Variants in GLI3 observed in about 807,000 individuals in gnomAD.
GLI3 encodes the protein GLI family zinc finger 3.
Under a neutral mutation model 100.8 loss-of-function variants are expected in GLI3, and 20 were observed. That is an observed-to-expected ratio of 0.20 (90% confidence interval 0.14 to 0.29). The LOEUF (loss-of-function observed/expected upper bound fraction) is 0.29, where lower values mean the gene tolerates loss of function less well. Among genes scored for constraint, GLI3 ranks in the 10% least tolerant of loss-of-function variants. The pLI, the probability that GLI3 is intolerant of heterozygous loss-of-function variation, is 1.00. For missense variants in GLI3, 2,040 were observed against 2,128.5 expected (o/e 0.96, Z 0.82); for synonymous variants, 938 against 860.5 (o/e 1.09, Z -1.58).
intron 1 of GLI3, among the ~76,000 whole-genome samples, chr7:42,244,813 G>T (rs962850653): frequency 6.6e-6 from 1 of 152,194 alleles, no homozygotes; most frequent in Non-Finnish European, 1.5e-5. Context: ...ATTCATTCAA[G>T]CTTGCCCAAA....
intron 2 of GLI3, among the ~76,000 whole-genome samples, chr7:42,170,149 G>A (rs1042763202): frequency 6.6e-6 from 1 of 150,750 alleles, no homozygotes; most frequent in South Asian, 2.1e-4. Context: ...CTACTCAGGA[G>A]GCTGAGGCAC....
chr7:42,165,754 T>C (rs1787228138), intron 2 of GLI3, among the ~76,000 whole-genome samples: 1 of 152,186 alleles, frequency 6.6e-6, no homozygotes, highest in Admixed American at 6.5e-5. Flanking sequence ...CGTGGGCAAG[T>C]CAATTTTGTA....
chr7:41,974,731 A>G (rs1405979871), intron 12 of GLI3, among the ~76,000 whole-genome samples: 5 of 152,254 alleles, frequency 3.3e-5, no homozygotes, highest in African/African-American at 1.2e-4. Context: ...TAAGTGCTAA[A>G]TTAGATCATG....
intron 10 of GLI3, among the ~76,000 whole-genome samples, chr7:41,984,076 T>G (rs936339589): frequency 6.6e-6 from 1 of 152,122 alleles, no homozygotes; most frequent in Non-Finnish European, 1.5e-5. Context: ...CAGAAGGTGC[T>G]TCTTTCTTTT....
intron 7 of GLI3, among the ~76,000 whole-genome samples, chr7:42,029,098 G>A (rs1276013006): frequency 6.6e-6 from 1 of 152,212 alleles, no homozygotes; most frequent in Non-Finnish European, 1.5e-5. Context: ...TTATTCATAA[G>A]AAGCCAGCAA....
intron 1 of GLI3, among the ~76,000 whole-genome samples, chr7:42,261,200 A>AACACACACACACAAAC (rs1789135645): frequency 6.1e-5 from 9 of 147,334 alleles, no homozygotes; most frequent in Admixed American, 3.4e-4. Context: ...CACACACACA[A>AACACACACACACAAAC]ACACACACAC....
At chr7:41,979,209 A>T (rs1005293029) in intron 10 of GLI3, among the ~76,000 whole-genome samples, 13 of 152,226 alleles carry the variant, frequency 8.5e-5, no homozygotes, top group African/African-American at 3.1e-4. Flanking sequence ...CTTAGGCTTC[A>T]AAAAGGGAAG....
chr7:42,083,819 C>T (rs918193443), intron 3 of GLI3, among the ~76,000 whole-genome samples: 1 of 152,118 alleles, frequency 6.6e-6, no homozygotes, highest in African/African-American at 2.4e-5. Flanking sequence ...AATCAATAGA[C>T]ATCTCATCTA....
At chr7:42,071,504 CA>C (rs1784784048) in intron 4 of GLI3, among the ~76,000 whole-genome samples, 1 of 152,070 alleles carries the variant, frequency 6.6e-6, no homozygotes, top group Non-Finnish European at 1.5e-5. Flanking sequence ...TGAACAGGCC[CA>C]ATATAGTGTT....
chr7:41,981,834 C>T (rs1053908901), intron 10 of GLI3, among the ~76,000 whole-genome samples: 2 of 152,116 alleles, frequency 1.3e-5, no homozygotes, highest in African/African-American at 4.8e-5. Context: ...TGGCAACCAG[C>T]GGAGGAGGGC....
At chr7:42,101,682 T>G (rs1357391232) in intron 3 of GLI3, among the ~76,000 whole-genome samples, 1 of 151,042 alleles carries the variant, frequency 6.6e-6, no homozygotes, top group Non-Finnish European at 1.5e-5. Context: ...ATTTATTTAT[T>G]TATTTATTTT....
At chr7:42,122,225 T>TTA (rs59833287) in intron 3 of GLI3, among the ~76,000 whole-genome samples, 13,656 of 137,352 alleles carry the variant, frequency 0.099, 659 homozygotes, top group African/African-American at 0.14. Flanking sequence ...AATTTATATT[T>TTA]TATATATATG....
chr7:42,035,173 G>A (rs1047903271), intron 7 of GLI3, among the ~76,000 whole-genome samples: 32 of 112,946 alleles, frequency 2.8e-4, no homozygotes, highest in Admixed American at 1.8e-3. Context: ...TAAAGACGTC[G>A]GTAATTTGGC....
intron 3 of GLI3, among the ~76,000 whole-genome samples, chr7:42,147,052 C>G (rs575728493): frequency 6.6e-6 from 1 of 152,156 alleles, no homozygotes; most frequent in Non-Finnish European, 1.5e-5. Flanking sequence ...TTAAAAAATG[C>G]TCTCTCCACT....
At position 41,963,679 on chromosome 7, in the gene GLI3, A is replaced by G. The variant is rs1787069301; in HGVS notation, c.*651T>C. On this transcript the variant is annotated 3_prime_UTR_variant, in exon 15 of 15. Transcript: ENST00000395925. The stretch of plus-strand genomic sequence containing the variant: ...TGTGAGCGCCCATTTCATTTATAAG[A>G]GCCCCACGTTCCCATTTCTGTTTAA... 1 of 152,496 alleles carries G rather than the reference A, an allele frequency of 6.6e-6. No individual in the cohort carries two copies. The highest frequency in any genetic ancestry group is 2.1e-4 in the South Asian group (1 of 4,838). The allele number at this position is 152,496 out of a possible 1,614,324, so 9.4% of individuals were successfully genotyped here.
intron 2 of GLI3, among the ~76,000 whole-genome samples, chr7:42,204,852 G>A (rs1029534348): frequency 2.6e-5 from 4 of 151,888 alleles, no homozygotes; most frequent in African/African-American, 7.3e-5. Flanking sequence ...ACTCTCCTTC[G>A]GGAAAGGAAG....
At position 42,132,944 on chromosome 7, in the gene GLI3, T is replaced by C. The variant is rs1218158185; in HGVS notation, c.367+15282A>G. On this transcript the variant is annotated intron_variant, in intron 3 of 14. Transcript: ENST00000395925. Reference sequence around the variant, plus strand: ...AAAAAAAACACAAGTAATCTTCACCTACCACCCTATCAATAATCATTTGCT... The same window carrying C: ...AAAAAAAACACAAGTAATCTTCACCCACCACCCTATCAATAATCATTTGCT... Among the ~76,000 whole-genome samples the C allele has an allele frequency of 2.0e-5, 3 of 152,080 alleles. No homozygotes were observed. In the East Asian group the frequency reaches 5.8e-4, roughly 29 times the overall value.
Position 41,976,110 on chromosome 7 carries a change from C to G in GLI3, c.1812+1448G>C, listed in dbSNP as rs1051616556. ...AGCAGTCATCACTATTCCCTCTCCC[C>G]TCTGCTTTTGGCAACCACTGATCTA... On this transcript the variant is annotated intron_variant, in intron 12 of 14. Transcript: ENST00000395925. 5.9e-5 allele frequency among the ~76,000 whole-genome samples: 9 copies of G among 152,282 alleles called. No homozygotes were observed. The East Asian group carries it at 1.7e-3, about 29-fold the overall frequency.
intron 10 of GLI3, among the ~76,000 whole-genome samples, chr7:41,984,102 G>A (rs1186451391): frequency 6.6e-6 from 1 of 152,132 alleles, no homozygotes; most frequent in Non-Finnish European, 1.5e-5. Flanking sequence ...AGTTTCTTTG[G>A]GAAGCCGAGC....
Sources: allele counts gnomAD v4.1 joint callset (sites outside exome capture counted in the v4.1 genomes callset), GRCh38; gene constraint gnomAD v4.1.1; transcripts MANE v1.5; gene names NCBI Gene and HGNC (gene_info 2026-07-23, HGNC 2026-07-21).